TANC2: variants seen among roughly 807,000 people sequenced by gnomAD.
TANC2 encodes protein TANC2.
Under a neutral mutation model 210.5 loss-of-function variants are expected in TANC2, and 26 were observed. That is an observed-to-expected ratio of 0.12 (90% CI 0.09 to 0.17). TANC2 has a LOEUF of 0.17. Among genes scored for constraint, TANC2 ranks in the 10% least tolerant of loss-of-function variants. TANC2 has a pLI of 1.00. For synonymous variants in TANC2, 931 were observed against 967.1 expected (o/e 0.96, Z 0.69); for missense variants, 2,129 against 2,608.9 (o/e 0.82, Z 4.01).
intron 11 of TANC2, chr17:63,332,066 G>T: frequency 3.0e-6 from 1 of 328,086 alleles, no homozygotes; most frequent in Non-Finnish European, 6.0e-6. Flanking sequence ...CATCTGTAGA[G>T]TCTTCCTGAA....
intron 9 of TANC2, among the ~76,000 whole-genome samples, chr17:63,281,401 C>G (rs547858323): frequency 7.9e-5 from 12 of 152,098 alleles, no homozygotes; most frequent in African/African-American, 2.9e-4. Context: ...AAGCCTTGCC[C>G]CAGATCCTTG....
At chr17:63,373,075 T>C (rs1348761236) in intron 14 of TANC2, among the ~76,000 whole-genome samples, 3 of 151,856 alleles carry the variant, frequency 2.0e-5, no homozygotes, top group Non-Finnish European at 4.4e-5. Flanking sequence ...TTTAAATTTT[T>C]TGTGGAGATG....
intron 9 of TANC2, among the ~76,000 whole-genome samples, chr17:63,270,560 A>G (rs1360182699): frequency 6.6e-6 from 1 of 152,184 alleles, no homozygotes; most frequent in Non-Finnish European, 1.5e-5. Flanking sequence ...AAAGTAATGA[A>G]ATGATTGAAA....
intron 4 of TANC2, among the ~76,000 whole-genome samples, chr17:63,106,991 A>C (rs1363695058): frequency 6.6e-6 from 1 of 151,578 alleles, no homozygotes; most frequent in Non-Finnish European, 1.5e-5. Flanking sequence ...CACTAGGGAA[A>C]GTTTGCGAAA....
chr17:63,047,731 C>G (rs1022532065), intron 2 of TANC2, among the ~76,000 whole-genome samples: 10 of 152,068 alleles, frequency 6.6e-5, no homozygotes, highest in African/African-American at 2.2e-4. Context: ...AGAAAAATAT[C>G]TTTTCTTCAT....
intron 4 of TANC2, among the ~76,000 whole-genome samples, chr17:63,141,138 C>G (rs191535955): frequency 1.3e-4 from 20 of 152,020 alleles, no homozygotes; most frequent in Admixed American, 9.8e-4. Context: ...TTACTGTAAT[C>G]TTGGACAAGA....
chr17:63,391,648 T>A (rs1407693996), intron 17 of TANC2: 4 of 152,062 alleles, frequency 2.6e-5, no homozygotes, highest in African/African-American at 9.7e-5. Context: ...CACTAATGAC[T>A]GCCATTCACC....
chr17:63,425,699 AGGCCT>A (rs928689069), exon 28 of TANC2: 2 of 152,222 alleles, frequency 1.3e-5, no homozygotes, highest in Non-Finnish European at 2.9e-5. Flanking sequence ...AAGGCAACAG[AGGCCT>A]GGAAGGGGTC....
chr17:62,992,923 A>C (rs2032939136), intron 1 of TANC2, among the ~76,000 whole-genome samples: 1 of 152,216 alleles, frequency 6.6e-6, no homozygotes, highest in Non-Finnish European at 1.5e-5. Context: ...GCAAAAACTA[A>C]TGTTTTGGCA....
At chr17:63,063,453 C>A (rs7208799) in intron 2 of TANC2, among the ~76,000 whole-genome samples, 3,184 of 151,970 alleles carry the variant, frequency 0.021, 105 homozygotes, top group African/African-American at 0.071. Flanking sequence ...AGAATTAACT[C>A]ATTAGAACAA....
In TANC2 at chr17:63,196,775, T is replaced by C. The variant is rs537681826; in HGVS notation, c.582+2636T>C. On this transcript the variant is annotated intron_variant, in intron 6 of 27. Coordinates refer to ENST00000689528, the Ensembl canonical transcript of TANC2. ...GTAATAATAACTGACATTTATTAAATACCTACTGTGTACCAATTATTGTAC... is the reference window on the plus strand; with the variant it reads ...GTAATAATAACTGACATTTATTAAACACCTACTGTGTACCAATTATTGTAC... 1.8e-4 allele frequency among the ~76,000 whole-genome samples: 28 copies of C among 152,322 alleles called. 1 individual carries two copies. In the South Asian group the frequency reaches 3.7e-3, roughly 20 times the overall value.
chr17:63,256,183 C>T (rs887803366), intron 8 of TANC2, among the ~76,000 whole-genome samples: 7 of 152,170 alleles, frequency 4.6e-5, no homozygotes, highest in African/African-American at 7.2e-5. Context: ...GCTAGGATTA[C>T]AGGCATGAGC....
intron 2 of TANC2, among the ~76,000 whole-genome samples, chr17:63,034,679 G>A (rs1388066422): frequency 1.3e-5 from 2 of 152,168 alleles, no homozygotes; most frequent in Middle Eastern, 3.2e-3. Flanking sequence ...AAGTTTGGAA[G>A]AAGTTGATTC....
chr17:63,121,190 A>C (rs904427191), intron 4 of TANC2, among the ~76,000 whole-genome samples: 2 of 152,168 alleles, frequency 1.3e-5, no homozygotes, highest in Non-Finnish European at 2.9e-5. Context: ...ATTAATCATA[A>C]TATTTCGGTG....
At chr17:63,360,577 A>T (rs1232045462) in intron 14 of TANC2, among the ~76,000 whole-genome samples, 1 of 152,210 alleles carries the variant, frequency 6.6e-6, no homozygotes, top group Non-Finnish European at 1.5e-5. Context: ...TGCAGTGTGT[A>T]ATAATCACAT....
chr17:63,243,175 C>A (rs1044530022), intron 8 of TANC2, among the ~76,000 whole-genome samples: 6 of 152,086 alleles, frequency 3.9e-5, no homozygotes, highest in Non-Finnish European at 7.4e-5. Context: ...CCCAAACCCA[C>A]AAAATTAAAA....
At chr17:63,031,627 T>C (rs3914069) in intron 2 of TANC2, among the ~76,000 whole-genome samples, 143,485 of 152,180 alleles carry the variant, frequency 0.94, 67,766 homozygotes, top group South Asian at 0.99. Flanking sequence ...GGATGAGGTA[T>C]TATTAGATAC....
At chr17:63,252,437 T>C (rs1192776593) in intron 8 of TANC2, among the ~76,000 whole-genome samples, 1 of 152,178 alleles carries the variant, frequency 6.6e-6, no homozygotes, top group Non-Finnish European at 1.5e-5. Context: ...ACAAAATTAT[T>C]GTTGACTATA....
At position 63,097,038 on chromosome 17, in the gene TANC2, GTT is replaced by G. The variant is rs879773847; in HGVS notation, c.140-2125_140-2124del. Among the ~76,000 whole-genome samples, 610 of 144,294 alleles carry G rather than the reference GTT, an allele frequency of 4.2e-3. 5 individuals carry two copies. Among genetic ancestry groups the G allele is most frequent in the African/African-American group, 0.015 (591 of 39,574 alleles). The allele number at this position is 144,294 out of a possible 152,430, so 94.7% of individuals were successfully genotyped here. ...GAAATGTTTATTCAAGTACTTTGAA[GTT>G]TTTTTTTTTTTCTTTTTCAAGAAAT... On this transcript the variant is annotated intron_variant, in intron 3 of 27. Transcript: ENST00000689528.
Sources: allele counts gnomAD v4.1 joint callset (sites outside exome capture counted in the v4.1 genomes callset), GRCh38; gene constraint gnomAD v4.1.1; transcripts MANE v1.5; gene names NCBI Gene and HGNC (gene_info 2026-07-23, HGNC 2026-07-21).